Variants in METTL22 observed in about 807,000 individuals in gnomAD.
METTL22 encodes methyltransferase-like protein 22.
METTL22 carries 51 observed loss-of-function variants against 48.4 expected under a neutral mutation model. That is an observed-to-expected ratio of 1.05 (90% confidence interval 0.84 to 1.33). The LOEUF is 1.33. Among genes scored for constraint, METTL22 ranks in the 40% most tolerant of loss-of-function variants. The pLI, the probability that METTL22 is intolerant of heterozygous loss-of-function variation, is 0.00. For synonymous variants in METTL22, 255 were observed against 214.1 expected (o/e 1.19, Z -1.67); for missense variants, 678 against 526.9 (o/e 1.29, Z -2.81).
intron 1 of METTL22, among the ~76,000 whole-genome samples, chr16:8,624,363 CTTT>C (rs71152910): frequency 4.3e-5 from 6 of 139,620 alleles, no homozygotes; most frequent in Non-Finnish European, 6.2e-5. Flanking sequence ...TCCACTCACT[CTTT>C]TTTTTTTTTT....
intron 1 of METTL22, chr16:8,623,746 T>C (rs563904044): frequency 6.6e-6 from 1 of 152,240 alleles, no homozygotes; most frequent in African/African-American, 2.4e-5. Context: ...AAAATTTTTT[T>C]GTTGGGACAG....
At chr16:8,663,923 G>T in the METTL22 span, among the ~76,000 whole-genome samples, 1 of 151,858 alleles carries the variant, frequency 6.6e-6, no homozygotes, top group Non-Finnish European at 1.5e-5. Flanking sequence ...AGTCCCCTCG[G>T]CCTCTACCCA....
intron 10 of METTL22, chr16:8,645,761 A>G (rs1478535229): frequency 3.1e-6 from 1 of 319,152 alleles, no homozygotes; most frequent in African/African-American, 2.2e-5. Flanking sequence ...GGGCAACAGA[A>G]TGAGATCCTG....
chr16:8,656,659 C>T, the METTL22 span, among the ~76,000 whole-genome samples: 1 of 152,250 alleles, frequency 6.6e-6, no homozygotes, highest in Non-Finnish European at 1.5e-5. Flanking sequence ...GATGTTCCAG[C>T]AGTGCTGGCC....
chr16:8,626,706 C>T (rs1397315782), intron 2 of METTL22, among the ~76,000 whole-genome samples: 2 of 151,276 alleles, frequency 1.3e-5, no homozygotes, highest in Non-Finnish European at 2.9e-5. Context: ...ACCCCGGCCT[C>T]CCAAAGTGCT....
chr16:8,658,453 C>T, the METTL22 span, among the ~76,000 whole-genome samples: 1 of 152,186 alleles, frequency 6.6e-6, no homozygotes, highest in Admixed American at 6.5e-5. Flanking sequence ...ACACTACAAG[C>T]CACTGCAAAG....
chr16:8,639,609 T>A (rs2056530182), intron 6 of METTL22: 1 of 194,120 alleles, frequency 5.2e-6, no homozygotes, highest in African/African-American at 2.3e-5. Flanking sequence ...CCCGGCCTGC[T>A]CTCCTTGCCT....
chr16:8,645,999 G>A, intron 10 of METTL22, 109 bp from the exon 11 acceptor site: 8 of 1,534,902 alleles, frequency 5.2e-6, no homozygotes, highest in Admixed American at 2.0e-5. Flanking sequence ...CTGCTCCGTG[G>A]CTGACGTGTT....
downstream of METTL22, among the ~76,000 whole-genome samples, chr16:8,650,800 G>A (rs903374540): frequency 6.6e-6 from 1 of 151,576 alleles, no homozygotes; most frequent in Non-Finnish European, 1.5e-5. Flanking sequence ...CAAGGCAAAT[G>A]GATCACCTGA....
chr16:8,622,768 T>A (rs2055898697), intron 1 of METTL22, among the ~76,000 whole-genome samples: 1 of 152,188 alleles, frequency 6.6e-6, no homozygotes, highest in Non-Finnish European at 1.5e-5. Flanking sequence ...CAAGAGGGCC[T>A]CCTTATTCCC....
At chr16:8,637,735 A>G (rs1001150416) in intron 5 of METTL22, among the ~76,000 whole-genome samples, 2 of 152,206 alleles carry the variant, frequency 1.3e-5, no homozygotes, top group African/African-American at 4.8e-5. Flanking sequence ...TGCTGGGGAG[A>G]ACGCACTCAG....
At chr16:8,629,341 G>A (rs4985067) in intron 3 of METTL22, among the ~76,000 whole-genome samples, 1,907 of 152,270 alleles carry the variant, frequency 0.013, 47 homozygotes, top group African/African-American at 0.044. Flanking sequence ...CCTCCTTGCT[G>A]GAGTGCTTGC....
At chr16:8,641,518 C>G (rs1301869981) in intron 7 of METTL22, 2 of 520,644 alleles carry the variant, frequency 3.8e-6, no homozygotes, top group Non-Finnish European at 7.4e-6. Context: ...TTGTCAGACT[C>G]TGGGGCACAG....
At chr16:8,650,387 C>T (rs1470681340), downstream of METTL22, among the ~76,000 whole-genome samples, 1 of 152,246 alleles carries the variant, frequency 6.6e-6, no homozygotes, top group African/African-American at 2.4e-5. Context: ...AATCCTGCCT[C>T]TGCTGTGTAA....
Position 8,625,779 on chromosome 16 carries a change from G to T in METTL22, c.114G>T (p.Leu38=). 6.2e-7 allele frequency: 1 copy of T among 1,614,154 alleles called. No individual in the cohort carries two copies. The highest frequency in any genetic ancestry group is 8.5e-7 in the Non-Finnish European group (1 of 1,180,012). The change falls in exon 2 of 11, where the codon CTG becomes CTT. Residue 38 remains leucine, a synonymous_variant. Coordinates refer to ENST00000381920, the MANE Select transcript of METTL22 (RefSeq NM_024109.4). ...ACCATAGACATCTCATGGTACGGCT[G>T]AACAGCGTGGGGCAGCCAGGTAAGG... is the stretch of plus-strand genomic sequence containing the variant. ...TPNHRHLMVR[L]NSVGQPVFLS...
chr16:8,642,764 G>T, intron 9 of METTL22, 199 bp downstream of exon 9: 1 of 619,938 alleles, frequency 1.6e-6, no homozygotes. Flanking sequence ...TGCAGGCGCT[G>T]CTGTCCCACT....
chr16:8,642,685 T>TA, intron 9 of METTL22, 120 bp downstream of exon 9: 1 of 930,786 alleles, frequency 1.1e-6, no homozygotes, highest in Non-Finnish European at 1.8e-6. Flanking sequence ...ATTGAGCACC[T>TA]ACTATGTGCC....
chr16:8,639,190 G>C, intron 6 of METTL22, 28 bp downstream of exon 6: 1 of 1,611,750 alleles, frequency 6.2e-7, no homozygotes, highest in Non-Finnish European at 8.5e-7. Flanking sequence ...TTCTGCCAGG[G>C]AGGGAGGTTT....
chr16:8,644,468 G>A, intron 9 of METTL22, 89 bp from the exon 10 acceptor site: 1 of 1,334,088 alleles, frequency 7.5e-7, no homozygotes, highest in Non-Finnish European at 1.0e-6. Context: ...TATGAGATCA[G>A]TGAGGGATAG....
Sources: allele counts gnomAD v4.1 joint callset (sites outside exome capture counted in the v4.1 genomes callset), GRCh38; gene constraint gnomAD v4.1.1; transcripts MANE v1.5; gene names NCBI Gene and HGNC (gene_info 2026-07-23, HGNC 2026-07-21).